The following USH2A variants were observed in gnomAD, a reference collection of about 807,000 sequenced individuals.
The protein encoded by USH2A is usherin, also known as Usher syndrome 2A (autosomal recessive, mild).
In USH2A, 443 loss-of-function variants were observed where a neutral mutation model predicts 538.9. The ratio of observed to expected loss-of-function variants is 0.82; its 90% confidence interval spans 0.76 to 0.89. USH2A has a LOEUF of 0.89. USH2A is among the 40% of genes least tolerant of loss of function. USH2A has a pLI of 0.00. For missense variants in USH2A, 6,633 were observed against 6,324.8 expected, an observed-to-expected ratio of 1.05 and a Z score of -1.65; for synonymous variants, 2,413 against 2,273.5, an observed-to-expected ratio of 1.06 and a Z score of -1.75.
chr1:216,267,564 A>T (rs1444624680), intron 11 of USH2A, among the ~76,000 whole-genome samples: 5 of 151,996 alleles, frequency 3.3e-5, no homozygotes, highest in Non-Finnish European at 5.9e-5. Context: ...CGGATGGGAG[A>T]AGTCAAGTTC....
chr1:216,256,009 A>G (rs550795497), intron 11 of USH2A, among the ~76,000 whole-genome samples: 94 of 152,234 alleles, frequency 6.2e-4, no homozygotes, highest in African/African-American at 2.1e-3. Context: ...TTTATCTTGG[A>G]CAAAATTTCT....
intron 3 of USH2A, among the ~76,000 whole-genome samples, chr1:216,397,397 C>T (rs1422469694): frequency 6.6e-6 from 1 of 152,114 alleles, no homozygotes; most frequent in Non-Finnish European, 1.5e-5. Flanking sequence ...GCTGGTAAAG[C>T]ACTGTTTCTT....
At chr1:216,211,084 A>G (rs955183702) in intron 15 of USH2A, among the ~76,000 whole-genome samples, 4 of 152,244 alleles carry the variant, frequency 2.6e-5, no homozygotes, top group African/African-American at 9.6e-5. Flanking sequence ...TGTGACACCT[A>G]GGGAGGACAT....
chr1:216,177,813 T>C (rs2034419711), intron 20 of USH2A, among the ~76,000 whole-genome samples: 1 of 152,086 alleles, frequency 6.6e-6, no homozygotes, highest in Admixed American at 6.6e-5. Flanking sequence ...AACAGTTGAG[T>C]TTGTGAGCTG....
intron 31 of USH2A, among the ~76,000 whole-genome samples, chr1:216,047,023 G>A (rs943487930): frequency 2.6e-5 from 4 of 152,078 alleles, no homozygotes; most frequent in Non-Finnish European, 2.9e-5. Context: ...GCCAGAGCTC[G>A]CATAACCAAA....
chr1:215,802,376 G>A (rs530802291), intron 49 of USH2A, among the ~76,000 whole-genome samples: 2 of 152,164 alleles, frequency 1.3e-5, no homozygotes, highest in East Asian at 3.9e-4. Flanking sequence ...TGATAAGGAA[G>A]TAGTATCCAG....
At chr1:216,350,871 ATTTCCCCT>A (rs1181498376) in intron 4 of USH2A, among the ~76,000 whole-genome samples, 1 of 152,022 alleles carries the variant, frequency 6.6e-6, no homozygotes, top group East Asian at 1.9e-4. Context: ...GCAACACCAC[ATTTCCCCT>A]TTTCGCTGCC....
chr1:216,412,691 G>A (rs1316667504), intron 3 of USH2A, among the ~76,000 whole-genome samples: 1 of 149,748 alleles, frequency 6.7e-6, no homozygotes, highest in Non-Finnish European at 1.5e-5. Context: ...TATGTTTTCA[G>A]TTCTTTTGGG....
rs59307713 is a variant in USH2A, at chr1:215,728,709, A to G, written c.11712-325T>C. ...AAGGTGAAACCTCATCCAAAATCAC[A>G]TTTTATTATCTTCCAGATGTTTTTG... On this transcript the variant is annotated intron_variant, in intron 60 of 71. Transcript: ENST00000307340. Among the ~76,000 whole-genome samples, 6,190 of 152,296 alleles carry G rather than the reference A, an allele frequency of 0.041. 388 individuals carry two copies. Among genetic ancestry groups the G allele is most frequent in the African/African-American group, 0.13 (5,592 of 41,546 alleles).
intron 60 of USH2A, among the ~76,000 whole-genome samples, chr1:215,741,044 C>T (rs1013666895): frequency 3.3e-5 from 5 of 152,034 alleles, no homozygotes; most frequent in Non-Finnish European, 7.4e-5. Context: ...GGGTTAGGAA[C>T]CCCTGCTTTA....
chr1:215,949,820 A>G (rs1666868816), intron 37 of USH2A, among the ~76,000 whole-genome samples: 1 of 152,134 alleles, frequency 6.6e-6, no homozygotes, highest in South Asian at 2.1e-4. Flanking sequence ...GTAATGACTA[A>G]GAATTACTAT....
chr1:216,027,367 T>C (rs1040738947), intron 32 of USH2A, among the ~76,000 whole-genome samples: 1 of 152,178 alleles, frequency 6.6e-6, no homozygotes, highest in African/African-American at 2.4e-5. Flanking sequence ...ATGGAAACCT[T>C]TGCCTTGGAC....
chr1:216,334,394 A>G (rs2037930854), intron 4 of USH2A, among the ~76,000 whole-genome samples: 1 of 152,022 alleles, frequency 6.6e-6, no homozygotes. Flanking sequence ...CCCAAAGAAG[A>G]CAGTGAAAGA....
intron 27 of USH2A, among the ~76,000 whole-genome samples, chr1:216,075,169 T>A (rs1011530216): frequency 6.6e-6 from 1 of 152,148 alleles, no homozygotes; most frequent in African/African-American, 2.4e-5. Flanking sequence ...GAGTTAGTTA[T>A]AAAATGAAGT....
chr1:216,097,205 C>T lies in USH2A; in HGVS notation c.4636G>A (p.Ala1546Thr), dbSNP rs958361741. ...PVNTDFTGIK[A>T]SFRTKVPEGL... ...TCAGGCACTTTTGTTCGAAAGCTGG[C>T]CTTAATGCCTGGTAAGACAAGTGTG... The change falls in exon 22 of 72, where the codon GCC becomes ACC. Residue 1546 changes from alanine (A) to threonine (T), a missense_variant. Coordinates refer to ENST00000307340, the MANE Select transcript of USH2A (RefSeq NM_206933.4). 9 of 1,613,974 alleles carry T rather than the reference C, an allele frequency of 5.6e-6. No homozygotes were observed. The highest frequency in any genetic ancestry group is 4.5e-5 in the East Asian group (2 of 44,882).
chr1:216,199,486 T>C (rs2034931499), intron 17 of USH2A, 141 bp downstream of exon 17: 5 of 1,273,862 alleles, frequency 3.9e-6, no homozygotes. Context: ...TACTATCTTA[T>C]ATCTTTAGAA....
At chr1:216,181,788 T>G (rs1200591490) in intron 20 of USH2A, among the ~76,000 whole-genome samples, 1 of 152,138 alleles carries the variant, frequency 6.6e-6, no homozygotes, top group Non-Finnish European at 1.5e-5. Flanking sequence ...ATCGTAACAC[T>G]TGCTTCTCTG....
chr1:216,386,865 A>AAAT (rs1034006797), intron 3 of USH2A, among the ~76,000 whole-genome samples: 2 of 152,088 alleles, frequency 1.3e-5, no homozygotes, highest in African/African-American at 4.8e-5. Context: ...AATGAGAAAA[A>AAAT]AATAATAATA....
chr1:215,743,386 ATG>A (rs61304768), intron 58 of USH2A, 51 bp from the exon 59 acceptor site: 80,249 of 320,034 alleles, frequency 0.25, 7,474 homozygotes, highest in Admixed American at 0.29. Context: ...ATATATATAT[ATG>A]TGTGTGTGTG....
Sources: gnomAD v4.1 joint callset for allele counts (sites outside exome capture counted in the v4.1 genomes callset) on GRCh38, gnomAD v4.1.1 for gene constraint, MANE v1.5 for transcripts, NCBI Gene and HGNC (gene_info 2026-07-23, HGNC 2026-07-21) for gene names.